Variants in TSPAN16 observed in about 807,000 individuals in gnomAD.
TSPAN16 encodes the protein tetraspanin-16.
Under a neutral mutation model 25.2 loss-of-function variants are expected in TSPAN16, and 23 were observed. The ratio of observed to expected loss-of-function variants is 0.91; its 90% CI spans 0.66 to 1.29. The LOEUF (loss-of-function observed/expected upper bound fraction) is 1.29. Ranked by LOEUF, TSPAN16 falls within the 50% of genes most tolerant of loss-of-function variation. TSPAN16 has a pLI of 0.00. For synonymous variants in TSPAN16, 123 were observed against 124.4 expected (o/e 0.99, Z 0.08); for missense variants, 272 against 299.9 (o/e 0.91, Z 0.69).
chr19:11,326,025 C>A (rs28407490), intron 6 of TSPAN16, among the ~76,000 whole-genome samples: 12,649 of 151,886 alleles, frequency 0.083, 1,029 homozygotes, highest in African/African-American at 0.22. Flanking sequence ...GTTCAAGACC[C>A]GCCTGACCAA....
In TSPAN16 at chr19:11,315,109, G is replaced by A. The variant is rs188693832; in HGVS notation, c.688-682G>A. Among the ~76,000 whole-genome samples the A allele has an allele frequency of 4.7e-3, 717 of 151,728 alleles. 9 individuals carry two copies. The highest frequency in any genetic ancestry group is 0.026 in the Admixed American group (394 of 15,172). On this transcript the variant is annotated intron_variant, in intron 6 of 6. Coordinates refer to ENST00000590327, the MANE Select transcript of TSPAN16 (RefSeq NM_001282509.2). ...AAATTAGCCGGGCGTGGTGCTGGGCGCCTGTAATTCCAGCTCCTCGGGAGG... is the reference window on the plus strand; with the variant it reads ...AAATTAGCCGGGCGTGGTGCTGGGCACCTGTAATTCCAGCTCCTCGGGAGG...
intron 6 of TSPAN16, chr19:11,325,632 G>GC: frequency 7.1e-7 from 1 of 1,412,428 alleles, no homozygotes; most frequent in African/African-American, 1.4e-5. Context: ...CCTGAGGGCA[G>GC]AGTCTCAGCT....
chr19:11,325,695 G>T, intron 6 of TSPAN16: 1 of 1,047,584 alleles, frequency 9.5e-7, no homozygotes, highest in Non-Finnish European at 1.4e-6. Context: ...TTATCCTGCT[G>T]TGGGACCTTG....
chr19:11,319,459 G>T (rs892966159), downstream of TSPAN16, among the ~76,000 whole-genome samples: 1 of 152,088 alleles, frequency 6.6e-6, no homozygotes, highest in Non-Finnish European at 1.5e-5. Flanking sequence ...TTAGCCGGGC[G>T]TGGTGGCACA....
chr19:11,316,061 CT>C (rs1400539038), downstream of TSPAN16: 2 of 675,802 alleles, frequency 3.0e-6, no homozygotes, highest in Non-Finnish European at 4.0e-6. Context: ...TCTCATACAA[CT>C]TTCCTGTTTT....
downstream of TSPAN16, among the ~76,000 whole-genome samples, chr19:11,316,845 T>C (rs947711650): frequency 1.1e-4 from 17 of 149,506 alleles, no homozygotes; most frequent in African/African-American, 4.2e-4. Flanking sequence ...AGTCTTGTTC[T>C]GTCACCCAGG....
At chr19:11,307,029 G>A (rs1213050852) in intron 5 of TSPAN16, among the ~76,000 whole-genome samples, 2 of 152,134 alleles carry the variant, frequency 1.3e-5, no homozygotes, top group African/African-American at 4.8e-5. Context: ...TGGCCAGGCT[G>A]GTCTCGAACC....
At chr19:11,300,077 G>A (rs189684240) in intron 3 of TSPAN16, among the ~76,000 whole-genome samples, 20 of 152,098 alleles carry the variant, frequency 1.3e-4, no homozygotes, top group Admixed American at 7.9e-4. Context: ...AAAATACATC[G>A]ACACAGTGGA....
At chr19:11,310,866 C>T (rs1235774595) in intron 5 of TSPAN16, among the ~76,000 whole-genome samples, 1 of 92,706 alleles carries the variant, frequency 1.1e-5, no homozygotes, top group Non-Finnish European at 1.8e-5. Context: ...CGGGTTCTTG[C>T]TCTGTCACTC....
chr19:11,315,165 G>A (rs929161260), intron 6 of TSPAN16, among the ~76,000 whole-genome samples: 2 of 150,774 alleles, frequency 1.3e-5, no homozygotes, highest in African/African-American at 2.4e-5. Flanking sequence ...GAACCCGGGA[G>A]ATGAAGGTTG....
At chr19:11,307,047 A>T (rs879734936) in intron 5 of TSPAN16, among the ~76,000 whole-genome samples, 1 of 151,222 alleles carries the variant, frequency 6.6e-6, no homozygotes, top group Non-Finnish European at 1.5e-5. Flanking sequence ...ACCTCAGGTG[A>T]TCCACCCACC....
intron 6 of TSPAN16, among the ~76,000 whole-genome samples, chr19:11,314,427 T>C (rs1599346977): frequency 6.6e-6 from 1 of 152,218 alleles, no homozygotes; most frequent in Non-Finnish European, 1.5e-5. Flanking sequence ...TTTCTGCACA[T>C]TGACTACCAA....
intron 4 of TSPAN16, among the ~76,000 whole-genome samples, chr19:11,305,903 CAT>C (rs1456095979): frequency 2.0e-5 from 3 of 152,140 alleles, no homozygotes; most frequent in African/African-American, 7.2e-5. Context: ...CCGTTACTGA[CAT>C]GTGAGTGGAG....
chr19:11,319,446 A>C (rs2080764897), downstream of TSPAN16, among the ~76,000 whole-genome samples: 13 of 151,890 alleles, frequency 8.6e-5, no homozygotes, highest in Admixed American at 8.5e-4. Context: ...AAAAATGCAA[A>C]AGTTAGCCGG....
chr19:11,299,902 G>A (rs1398825761), intron 3 of TSPAN16, among the ~76,000 whole-genome samples: 9 of 151,724 alleles, frequency 5.9e-5, no homozygotes, highest in Non-Finnish European at 7.4e-5. Flanking sequence ...ACTTGAACCC[G>A]GGAGCCAGAG....
intron 5 of TSPAN16, among the ~76,000 whole-genome samples, chr19:11,310,949 C>T (rs1421821505): frequency 2.0e-5 from 3 of 152,010 alleles, no homozygotes; most frequent in African/African-American, 2.4e-5. Context: ...ATGATCCTCC[C>T]GTCTCAGCCC....
chr19:11,316,741 T>C (rs2080751304), downstream of TSPAN16, among the ~76,000 whole-genome samples: 1 of 151,540 alleles, frequency 6.6e-6, no homozygotes, highest in African/African-American at 2.4e-5. Flanking sequence ...TTTGGGAGAC[T>C]GAGGTAGGAG....
At position 11,306,741 on chromosome 19, in the gene TSPAN16, C is replaced by T. The variant is rs752996851; in HGVS notation, c.588C>T (p.Asn196=). 60 of 1,613,840 alleles carry T rather than the reference C, an allele frequency of 3.7e-5. No homozygotes were observed. Among genetic ancestry groups the T allele is most frequent in the East Asian group, 1.3e-4 (6 of 44,890 alleles). ...VSCDGRDVSP[N]VIHQKGCFHK... Reference sequence around the variant, plus strand: ...GTGACGGACGCGATGTGTCTCCAAACGTCATCCACCAGAAGGTAACTGGAG... The same window carrying T: ...GTGACGGACGCGATGTGTCTCCAAATGTCATCCACCAGAAGGTAACTGGAG... Residue 196 remains asparagine (N), a synonymous_variant, in exon 5 of 7, where the codon AAC becomes AAT. Transcript: ENST00000590327.
chr19:11,314,210 GA>G (rs1482926329), intron 6 of TSPAN16, among the ~76,000 whole-genome samples: 1 of 152,138 alleles, frequency 6.6e-6, no homozygotes, highest in African/African-American at 2.4e-5. Flanking sequence ...GGGAGTGACT[GA>G]TAATAGGTAT....
Sources: gnomAD v4.1 joint callset for allele counts (sites outside exome capture counted in the v4.1 genomes callset) on GRCh38, gnomAD v4.1.1 for gene constraint, MANE v1.5 for transcripts, NCBI Gene and HGNC (gene_info 2026-07-23, HGNC 2026-07-21) for gene names.